Variants in CHTOP observed in about 807,000 individuals in gnomAD.
The protein encoded by CHTOP is chromatin target of PRMT1 protein.
CHTOP carries 18 observed loss-of-function variants against 33.6 expected under a neutral mutation model. The ratio of observed to expected loss-of-function variants is 0.54; its 90% confidence interval spans 0.37 to 0.80. The LOEUF is 0.80. Among genes scored for constraint, CHTOP ranks in the 30% least tolerant of loss-of-function variants. The pLI, the probability that CHTOP is intolerant of heterozygous loss-of-function variation, is 0.00. For missense variants in CHTOP, 263 were observed against 336.8 expected (o/e 0.78, Z 1.71); for synonymous variants, 117 against 127.7 (o/e 0.92, Z 0.56).
intron 1 of CHTOP, among the ~76,000 whole-genome samples, chr1:153,635,883 G>A (rs1668369773): frequency 6.6e-6 from 1 of 151,808 alleles, no homozygotes; most frequent in South Asian, 2.1e-4. Flanking sequence ...CCGTTTTTGA[G>A]AAATTCCCGG....
At chr1:153,641,341 T>A (rs1668616730) in intron 3 of CHTOP, among the ~76,000 whole-genome samples, 1 of 152,250 alleles carries the variant, frequency 6.6e-6, no homozygotes, top group Non-Finnish European at 1.5e-5. Flanking sequence ...GCTATTGCTG[T>A]CCCTTTTTCC....
At chr1:153,643,423 CAG>C (rs1668697841) in intron 5 of CHTOP, 59 bp downstream of exon 5, 2 of 1,460,586 alleles carry the variant, frequency 1.4e-6, no homozygotes, top group South Asian at 1.5e-5. Context: ...CTTAAAAACT[CAG>C]AGCCACCTTT....
chr1:153,637,348 T>C (rs1668442268), intron 2 of CHTOP: 1 of 152,234 alleles, frequency 6.6e-6, no homozygotes, highest in African/African-American at 2.4e-5. Flanking sequence ...CTGACAACTT[T>C]GTTCATTAAG....
At chr1:153,640,717 G>A (rs796351584) in intron 3 of CHTOP, among the ~76,000 whole-genome samples, 1 of 152,298 alleles carries the variant, frequency 6.6e-6, no homozygotes, top group African/African-American at 2.4e-5. Context: ...GTTGCAGTGA[G>A]CCAAGATCGT....
intron 3 of CHTOP, among the ~76,000 whole-genome samples, chr1:153,640,069 C>T (rs1668564056): frequency 6.6e-6 from 1 of 152,214 alleles, no homozygotes; most frequent in South Asian, 2.1e-4. Flanking sequence ...CTACCGTGCC[C>T]AGCCAGAACT....
intron 5 of CHTOP, 22 bp downstream of exon 5, chr1:153,643,386 G>T (rs768813971): frequency 6.6e-7 from 1 of 1,511,992 alleles, no homozygotes; most frequent in Non-Finnish European, 8.8e-7. Context: ...ACCAACTTCA[G>T]AGAGTAGCTC....
chr1:153,637,336 C>G (rs1335049424), intron 2 of CHTOP: 2 of 152,206 alleles, frequency 1.3e-5, no homozygotes, highest in African/African-American at 2.4e-5. Flanking sequence ...CAGTTTCTAT[C>G]TCTGACAACT....
At chr1:153,636,823 C>T in intron 2 of CHTOP, 170 bp downstream of exon 2, 1 of 593,600 alleles carries the variant, frequency 1.7e-6, no homozygotes. Flanking sequence ...GCGGTTGTTT[C>T]AAAACCCCTT....
intron 1 of CHTOP, among the ~76,000 whole-genome samples, chr1:153,635,875 G>A (rs533721920): frequency 1.3e-5 from 2 of 151,776 alleles, no homozygotes; most frequent in East Asian, 1.9e-4. Flanking sequence ...GGCTTCTGCC[G>A]TTTTTGAGAA....
At chr1:153,638,882 CTTT>C (rs34440523) in intron 3 of CHTOP, among the ~76,000 whole-genome samples, 239 of 142,546 alleles carry the variant, frequency 1.7e-3, no homozygotes, top group Middle Eastern at 7.2e-3. Flanking sequence ...CAAAGGTTTT[CTTT>C]TTTTTTTTTT....
intron 5 of CHTOP, chr1:153,644,253 A>G (rs1668725961): frequency 6.6e-6 from 1 of 152,222 alleles, no homozygotes. Flanking sequence ...CCATTATATG[A>G]TACTTACTGA....
intron 2 of CHTOP, 99 bp from the exon 3 acceptor site, chr1:153,638,196 C>A (rs976027131): frequency 1.3e-5 from 17 of 1,272,226 alleles, no homozygotes; most frequent in Non-Finnish European, 1.9e-5. Flanking sequence ...CTTAAAAGTT[C>A]GTGGGATCTG....
chr1:153,634,908 C>T (rs985621611), intron 1 of CHTOP, among the ~76,000 whole-genome samples: 2 of 151,278 alleles, frequency 1.3e-5, no homozygotes, highest in Non-Finnish European at 2.9e-5. Context: ...GGCTGGAGTG[C>T]AATGGCACGA....
At chr1:153,642,574 C>T (rs1033421929) in intron 4 of CHTOP, 145 bp downstream of exon 4, 23 of 605,930 alleles carry the variant, frequency 3.8e-5, no homozygotes, top group Non-Finnish European at 6.0e-5. Flanking sequence ...TTTAATAGTG[C>T]TGCATGTCTT....
chr1:153,642,590 A>G, intron 4 of CHTOP, 161 bp downstream of exon 4: 1 of 535,522 alleles, frequency 1.9e-6, no homozygotes, highest in Non-Finnish European at 3.2e-6. Flanking sequence ...GTCTTTTATC[A>G]ATACCATTCC....
intron 2 of CHTOP, chr1:153,637,762 T>G (rs1668461547): frequency 6.5e-6 from 1 of 153,844 alleles, no homozygotes; most frequent in Non-Finnish European, 1.4e-5. Flanking sequence ...GCTTCTCTCC[T>G]TATCTCTTTG....
intron 1 of CHTOP, among the ~76,000 whole-genome samples, chr1:153,634,808 C>G (rs908170292): frequency 6.8e-4 from 103 of 150,654 alleles, no homozygotes; most frequent in African/African-American, 2.3e-3. Context: ...ACTTTTGAAA[C>G]TAGGCATGCA....
chr1:153,637,484 C>A (rs970673748), intron 2 of CHTOP: 1 of 152,162 alleles, frequency 6.6e-6, no homozygotes, highest in Non-Finnish European at 1.5e-5. Flanking sequence ...CCTGTCTCTA[C>A]TAAAAATAGA....
chr1:153,642,481 T>C, intron 4 of CHTOP, 52 bp downstream of exon 4: 3 of 1,462,060 alleles, frequency 2.1e-6, no homozygotes, highest in Non-Finnish European at 2.8e-6. Context: ...TTCCCTTTTC[T>C]CTTGGGCTGC....
Sources: gnomAD v4.1 joint callset for allele counts (sites outside exome capture counted in the v4.1 genomes callset) on GRCh38, gnomAD v4.1.1 for gene constraint, MANE v1.5 for transcripts, NCBI Gene and HGNC (gene_info 2026-07-23, HGNC 2026-07-21) for gene names.